Variants in USP8 observed in about 807,000 individuals in gnomAD.
USP8 encodes ubiquitin specific peptidase 8, also known as ubiquitin carboxyl-terminal hydrolase 8.
In USP8, 27 loss-of-function variants were observed where a neutral mutation model predicts 130.0. The observed-to-expected ratio is 0.21, with a 90% CI of 0.15 to 0.29. The LOEUF is 0.29. Ranked by LOEUF, USP8 falls within the 10% of genes least tolerant of loss-of-function variation. USP8 has a pLI of 1.00. For missense variants in USP8, 1,029 were observed against 1,312.2 expected (o/e 0.78, Z 3.33); for synonymous variants, 392 against 444.1 (o/e 0.88, Z 1.48).
At chr15:50,466,739 G>C in intron 7 of USP8, 1 of 222,112 alleles carries the variant, frequency 4.5e-6, no homozygotes, top group Non-Finnish European at 9.1e-6. Context: ...CACAGCAGCC[G>C]TGGCTTTTAA....
chr15:50,432,996 C>G (rs973339883), intron 1 of USP8, among the ~76,000 whole-genome samples: 1 of 152,216 alleles, frequency 6.6e-6, no homozygotes, highest in Admixed American at 6.5e-5. Context: ...AATCCCACCA[C>G]TTTGGGAGGC....
At chr15:50,445,410 G>T (rs1173683041) in intron 3 of USP8, among the ~76,000 whole-genome samples, 1 of 148,838 alleles carries the variant, frequency 6.7e-6, no homozygotes, top group Non-Finnish European at 1.5e-5. Context: ...GCAGGGTGTG[G>T]TGGTATGCAT....
chr15:50,451,272 G>C (rs534444962), intron 4 of USP8, among the ~76,000 whole-genome samples: 1 of 152,238 alleles, frequency 6.6e-6, no homozygotes, highest in African/African-American at 2.4e-5. Flanking sequence ...TTAGCCGGGT[G>C]GGGTGGCAGG....
At position 50,502,046 on chromosome 15, in the gene USP8, G is replaced by A. The variant is rs1345865652; in HGVS notation, c.*2958G>A. On this transcript the variant is annotated 3_prime_UTR_variant, in exon 20 of 20. Coordinates refer to ENST00000307179, the MANE Select transcript of USP8 (RefSeq NM_005154.5). ...ATGAGGCCTAAAATATTTACTGTTT[G>A]GCCTTTAACAGAATAAGTTTGCTGA... 1 of 152,164 alleles carries A rather than the reference G, an allele frequency of 6.6e-6. No homozygotes were observed. Among genetic ancestry groups the A allele is most frequent in the Non-Finnish European group, 1.5e-5 (1 of 68,028 alleles). 9.4% of individuals were successfully genotyped at this position (152,164 alleles called of 1,614,324 possible).
intron 3 of USP8, among the ~76,000 whole-genome samples, chr15:50,447,219 T>C (rs1198845080): frequency 1.3e-5 from 2 of 152,164 alleles, no homozygotes; most frequent in African/African-American, 4.8e-5. Flanking sequence ...GCTGGTCTTA[T>C]GGGAATGAAT....
chr15:50,434,116 T>TTTGTTTTGTG (rs1039849671), intron 1 of USP8, among the ~76,000 whole-genome samples: 2 of 151,864 alleles, frequency 1.3e-5, no homozygotes, highest in African/African-American at 4.8e-5. Context: ...TTTGTTTTGT[T>TTTGTTTTGTG]TTGTTTTGTT....
intron 4 of USP8, 151 bp from the exon 5 acceptor site, chr15:50,458,849 C>A (rs1364271431): frequency 3.7e-6 from 3 of 803,752 alleles, no homozygotes; most frequent in Admixed American, 2.9e-5. Flanking sequence ...CAGATGGCCT[C>A]AGGTGGCAGA....
rs2052750445 is a variant in USP8, at chr15:50,512,409, G to C, written c.*13321G>C. ...GCTATGGACTGGGGGAGAAGGAACG[G>C]GTTACAGGGTTTCTTTTGGGGATAA... On this transcript the variant is annotated 3_prime_UTR_variant, in exon 20 of 20. Transcript: ENST00000307179. The C allele has an allele frequency of 6.6e-6, 1 of 152,292 alleles. No individual in the cohort carries two copies. The highest frequency in any genetic ancestry group is 1.9e-4 in the East Asian group (1 of 5,182). The allele number at this position is 152,292 out of a possible 1,614,324, so 9.4% of individuals were successfully genotyped here.
chr15:50,460,682 ATCAGTGACTTAG>A (rs2050963094), intron 5 of USP8, among the ~76,000 whole-genome samples: 1 of 152,184 alleles, frequency 6.6e-6, no homozygotes, highest in African/African-American at 2.4e-5. Flanking sequence ...GCTAAAAGCC[ATCAGTGACTTAG>A]TCTGTAGCTG....
At chr15:50,443,703 T>A (rs543576872) in intron 3 of USP8, among the ~76,000 whole-genome samples, 2 of 151,760 alleles carry the variant, frequency 1.3e-5, no homozygotes, top group South Asian at 4.2e-4. Context: ...AGGCTGGTCT[T>A]GAACTCCTGA....
At chr15:50,478,819 C>T (rs938920839) in intron 10 of USP8, among the ~76,000 whole-genome samples, 5 of 152,138 alleles carry the variant, frequency 3.3e-5, no homozygotes, top group East Asian at 1.9e-4. Flanking sequence ...CTTTAGGAGG[C>T]GGAGGCAGGT....
chr15:50,439,790 CAATAAT>C (rs57780466), intron 2 of USP8, among the ~76,000 whole-genome samples: 19,413 of 133,488 alleles, frequency 0.15, 2,349 homozygotes, highest in African/African-American at 0.34. Context: ...AACTCTGTCT[CAATAAT>C]AATAATAATA....
chr15:50,459,267 A>G, intron 5 of USP8, 105 bp downstream of exon 5: 2 of 1,377,954 alleles, frequency 1.5e-6, no homozygotes, highest in East Asian at 2.5e-5. Flanking sequence ...GGCAACAAGG[A>G]TGAAATTTAA....
chr15:50,471,480 A>C (rs2051373783), intron 7 of USP8, among the ~76,000 whole-genome samples, 153 bp from the exon 8 acceptor site: 1 of 152,240 alleles, frequency 6.6e-6, no homozygotes, highest in African/African-American at 2.4e-5. Context: ...TAGGCTGTTT[A>C]ATATCTTAAT....
intron 5 of USP8, among the ~76,000 whole-genome samples, chr15:50,460,241 G>A (rs188327687): frequency 8.5e-4 from 120 of 141,336 alleles, no homozygotes; most frequent in Non-Finnish European, 1.6e-3. Flanking sequence ...CCAGTGATCT[G>A]CCTGCCTCAG....
At chr15:50,491,972 C>T (rs2052187896) in intron 14 of USP8, among the ~76,000 whole-genome samples, 2 of 152,134 alleles carry the variant, frequency 1.3e-5, no homozygotes, top group Admixed American at 6.5e-5. Context: ...AGCGATTCTC[C>T]TGCCTCAGCC....
Position 50,512,318 on chromosome 15 carries a change from ACT to A in USP8, c.*13233_*13234del, listed in dbSNP as rs1387050625. On this transcript the variant is annotated 3_prime_UTR_variant, in exon 20 of 20. Transcript: ENST00000307179. ...ACTCCAGCCTGGGCAACAGAGCAAG[ACT>A]CTGTTAAAAAAAAAAAAAATAGCGA... The A allele has an allele frequency of 1.3e-5, 2 of 150,282 alleles. No individual in the cohort carries two copies. Among genetic ancestry groups the A allele is most frequent in the African/African-American group, 5.0e-5 (2 of 39,954 alleles). 9.3% of individuals were successfully genotyped at this position (150,282 alleles called of 1,614,324 possible). A position where few individuals can be genotyped will look rare whatever the true frequency, so the allele number is the denominator to read the frequency against.
intron 10 of USP8, among the ~76,000 whole-genome samples, chr15:50,480,174 C>T (rs1033565485): frequency 2.5e-4 from 38 of 152,126 alleles, no homozygotes; most frequent in African/African-American, 9.2e-4. Context: ...ACACAGTATT[C>T]TCAAGAAATG....
In USP8 at chr15:50,477,451, T is replaced by A. The variant is rs368766733; in HGVS notation, c.1170T>A (p.Asp390Glu). The change falls in exon 10 of 20, where the codon GAT (aspartate) becomes GAA (glutamate). Residue 390 changes from aspartate to glutamate, a missense_variant. By Grantham distance (45) the Asp-to-Glu change is conservative. Around this residue, in one of 4 missense-constraint regions of USP8, gnomAD observed 486 missense variants for 522.0 expected, o/e 0.93. Coordinates refer to ENST00000307179, the MANE Select transcript of USP8 (RefSeq NM_005154.5). ...AACCAGTTGCTGCTTCTAAATCTGA[T>A]GTTTCACCCATAATTCAGCCAGTGC... ...PVEPVAASKS[D>E]VSPIIQPVPS... 21 of 1,614,076 alleles carry A rather than the reference T, an allele frequency of 1.3e-5. No homozygotes were observed. Among genetic ancestry groups the A allele is most frequent in the Non-Finnish European group, 1.8e-5 (21 of 1,180,034 alleles).
Sources: gnomAD v4.1 joint callset for allele counts (sites outside exome capture counted in the v4.1 genomes callset) on GRCh38, gnomAD v4.1.1 for gene constraint, gnomAD v4.1.1 regional missense constraint, MANE v1.5 for transcripts, NCBI Gene and HGNC (gene_info 2026-07-23, HGNC 2026-07-21) for gene names.